PARD3: variants seen among roughly 807,000 people sequenced by gnomAD.
PARD3 encodes the protein par-3 family cell polarity regulator, also known as partitioning defective 3 homolog.
PARD3 carries 75 observed loss-of-function variants against 155.4 expected under a neutral mutation model. That is an observed-to-expected ratio of 0.48 (90% CI 0.40 to 0.58). PARD3 has a LOEUF of 0.58. PARD3 is among the 20% of genes least tolerant of loss of function. The pLI is 0.00. For synonymous variants in PARD3, 576 were observed against 610.5 expected, an observed-to-expected ratio of 0.94 and a Z score of 0.83; for missense variants, 1,642 against 1,721.7, an observed-to-expected ratio of 0.95 and a Z score of 0.82.
intron 4 of PARD3, among the ~76,000 whole-genome samples, chr10:34,460,736 G>A (rs1222778978): frequency 6.6e-6 from 1 of 152,046 alleles, no homozygotes; most frequent in Non-Finnish European, 1.5e-5. Flanking sequence ...GGGAGGCTGA[G>A]GCAGGAGAAT....
chr10:34,548,517 A>G (rs566172149), intron 2 of PARD3, among the ~76,000 whole-genome samples: 1 of 152,236 alleles, frequency 6.6e-6, no homozygotes, highest in African/African-American at 2.4e-5. Context: ...ATAAACTAAT[A>G]AATAAAATAG....
intron 5 of PARD3, among the ~76,000 whole-genome samples, chr10:34,428,441 A>ATT (rs2075734415): frequency 2.0e-5 from 3 of 152,194 alleles, no homozygotes; most frequent in African/African-American, 4.8e-5. Flanking sequence ...ATTTGAGCCC[A>ATT]GAAACTCAAA....
chr10:34,776,838 G>T (rs1588698927), intron 1 of PARD3, among the ~76,000 whole-genome samples: 2 of 120,734 alleles, frequency 1.7e-5, no homozygotes, highest in Non-Finnish European at 3.3e-5. Flanking sequence ...TTTTTTGTGG[G>T]GGGGGGGGGC....
intron 22 of PARD3, among the ~76,000 whole-genome samples, chr10:34,142,095 C>T (rs1348637377): frequency 6.6e-6 from 1 of 152,154 alleles, no homozygotes; most frequent in East Asian, 1.9e-4. Context: ...TTCCTCAAGA[C>T]CCTGTGAGGT....
At chr10:34,332,426 A>T (rs749808496) in intron 18 of PARD3, among the ~76,000 whole-genome samples, 1 of 152,174 alleles carries the variant, frequency 6.6e-6, no homozygotes, top group Non-Finnish European at 1.5e-5. Context: ...GGTGAAAAAA[A>T]TAGAGGGTAG....
chr10:34,359,366 AAAG>A, intron 13 of PARD3, 49 bp from the exon 14 acceptor site: 1 of 1,356,004 alleles, frequency 7.4e-7, no homozygotes, highest in South Asian at 1.3e-5. Flanking sequence ...GACTGCTATA[AAAG>A]AAGTAGCTTT....
At chr10:34,613,010 G>A (rs899492999) in intron 2 of PARD3, among the ~76,000 whole-genome samples, 11 of 151,934 alleles carry the variant, frequency 7.2e-5, no homozygotes, top group African/African-American at 2.4e-4. Flanking sequence ...ACCTACATAG[G>A]TGACCATAAA....
chr10:34,440,041 A>C (rs2076385566), intron 5 of PARD3, among the ~76,000 whole-genome samples: 1 of 152,186 alleles, frequency 6.6e-6, no homozygotes. Flanking sequence ...ACCGGGCAAA[A>C]TGTTTGAACA....
intron 2 of PARD3, among the ~76,000 whole-genome samples, chr10:34,584,851 T>C (rs924426266): frequency 6.6e-6 from 1 of 152,148 alleles, no homozygotes; most frequent in African/African-American, 2.4e-5. Context: ...TTTAGGCTCA[T>C]TAGGTTTTCC....
chr10:34,648,021 C>T lies in PARD3; in HGVS notation c.222+48297G>A, dbSNP rs74132082. ...GTGCCAATTCTAGACAGGAGTCCAA[C>T]ATACAAATAATATCTGAAGTACTCA... On this transcript the variant is annotated intron_variant, in intron 2 of 24. Coordinates refer to ENST00000374788, the MANE Select transcript of PARD3 (RefSeq NM_001184785.2). Among the ~76,000 whole-genome samples the T allele has an allele frequency of 8.0e-3, 1,214 of 152,286 alleles. 15 individuals are homozygous for T. The highest frequency in any genetic ancestry group is 0.028 in the African/African-American group (1,163 of 41,550).
chr10:34,348,891 C>T (rs565681422), intron 14 of PARD3, among the ~76,000 whole-genome samples: 1 of 152,060 alleles, frequency 6.6e-6, no homozygotes, highest in Non-Finnish European at 1.5e-5. Context: ...TAAAATGTAT[C>T]GGGCATTTCT....
chr10:34,263,781 A>G (rs966276346), intron 22 of PARD3, among the ~76,000 whole-genome samples: 5 of 152,250 alleles, frequency 3.3e-5, no homozygotes, highest in African/African-American at 4.8e-5. Context: ...TTATCAGAGG[A>G]TAGCAGTGTC....
chr10:34,496,551 T>C (rs1284845180), intron 3 of PARD3, among the ~76,000 whole-genome samples: 1 of 152,134 alleles, frequency 6.6e-6, no homozygotes, highest in African/African-American at 2.4e-5. Context: ...AGACTCTACA[T>C]CCACCTATCA....
chr10:34,388,932 C>T (rs1363051434), intron 7 of PARD3, among the ~76,000 whole-genome samples: 2 of 151,972 alleles, frequency 1.3e-5, no homozygotes, highest in Non-Finnish European at 2.9e-5. Context: ...AGTGGGGTGG[C>T]GCAGATTTAA....
intron 20 of PARD3, among the ~76,000 whole-genome samples, chr10:34,286,513 T>C (rs1956399478): frequency 6.6e-6 from 1 of 152,226 alleles, no homozygotes; most frequent in East Asian, 1.9e-4. Context: ...CACATTGGCA[T>C]GAGTCAGCAA....
intron 5 of PARD3, among the ~76,000 whole-genome samples, chr10:34,418,432 C>T (rs1456365334): frequency 6.6e-6 from 1 of 152,140 alleles, no homozygotes; most frequent in Non-Finnish European, 1.5e-5. Context: ...CGTAGGCCTC[C>T]CAAAGTGCTG....
intron 2 of PARD3, among the ~76,000 whole-genome samples, chr10:34,681,704 TTA>T (rs1235577086): frequency 1.5e-5 from 2 of 136,964 alleles, no homozygotes; most frequent in African/African-American, 5.3e-5. Context: ...TTTTTATATT[TTA>T]TATATGTATT....
chr10:34,562,065 G>C (rs1303532776), intron 2 of PARD3, among the ~76,000 whole-genome samples: 2 of 147,842 alleles, frequency 1.4e-5, no homozygotes, highest in Non-Finnish European at 3.0e-5. Flanking sequence ...CCTGGGAGGG[G>C]GGGTGAACCG....
intron 22 of PARD3, among the ~76,000 whole-genome samples, chr10:34,182,146 G>A (rs1296892463): frequency 1.3e-5 from 2 of 152,158 alleles, no homozygotes; most frequent in Non-Finnish European, 2.9e-5. Flanking sequence ...CTTGCTGGGA[G>A]GAGGAGTCCG....
Sources: allele counts gnomAD v4.1 joint callset (sites outside exome capture counted in the v4.1 genomes callset), GRCh38; gene constraint gnomAD v4.1.1; transcripts MANE v1.5; gene names NCBI Gene and HGNC (gene_info 2026-07-23, HGNC 2026-07-21).